Variants in BRD9 observed in about 807,000 individuals in gnomAD.
BRD9 encodes the protein bromodomain-containing protein 9.
A neutral mutation model predicts 68.7 loss-of-function variants in BRD9; 47 were observed. The ratio of observed to expected loss-of-function variants is 0.68; its 90% CI spans 0.54 to 0.87. BRD9 has a LOEUF of 0.87. BRD9 is among the 40% of genes least tolerant of loss of function. The pLI, the probability that BRD9 is intolerant of heterozygous loss-of-function variation, is 0.00. For synonymous variants in BRD9, 313 were observed against 293.9 expected (o/e 1.06, Z -0.67); for missense variants, 670 against 748.4 (o/e 0.90, Z 1.22).
In BRD9 at chr5:876,090, G is replaced by A. The variant is rs764937191; in HGVS notation, c.1383+11C>T. The A allele has an allele frequency of 1.9e-6, 3 of 1,598,992 alleles. No homozygotes were observed. Among genetic ancestry groups the A allele is most frequent in the South Asian group, 2.2e-5 (2 of 90,724 alleles). ...CACCTGCCCCCCAACCCCGGTGCGA[G>A]TGCAGCCCACCTGCTTCAGCTGGAA... On this transcript the variant is annotated intron_variant, in intron 12 of 15. Coordinates refer to ENST00000467963, the MANE Select transcript of BRD9 (RefSeq NM_023924.5).
At chr5:865,763 G>A (rs1749296020) in intron 14 of BRD9, 182 bp from the exon 15 acceptor site, 2 of 620,320 alleles carry the variant, frequency 3.2e-6, no homozygotes, top group African/African-American at 3.7e-5. Flanking sequence ...ATTACCCTTA[G>A]CAGTGAGTGA....
intron 14 of BRD9, among the ~76,000 whole-genome samples, chr5:867,726 A>G (rs1240814104): frequency 1.3e-5 from 2 of 152,186 alleles, no homozygotes; most frequent in African/African-American, 2.4e-5. Context: ...GGATAGGTCT[A>G]TTTACCCAAT....
At chr5:875,591 C>T (rs1310385421) in intron 12 of BRD9, among the ~76,000 whole-genome samples, 1 of 152,172 alleles carries the variant, frequency 6.6e-6, no homozygotes, top group Admixed American at 6.5e-5. Flanking sequence ...CTTGGATCTG[C>T]CCGCCTCGGC....
chr5:865,089 A>G (rs1358677434), intron 15 of BRD9, among the ~76,000 whole-genome samples: 10 of 152,340 alleles, frequency 6.6e-5, no homozygotes, highest in East Asian at 5.8e-4. Context: ...TCCAGGACAC[A>G]TGGCCAAGGA....
chr5:877,207 G>A (rs1363754079), intron 11 of BRD9, among the ~76,000 whole-genome samples: 1 of 152,204 alleles, frequency 6.6e-6, no homozygotes, highest in African/African-American at 2.4e-5. Flanking sequence ...ACAGGGAGCC[G>A]ACTGCGGACA....
At chr5:887,541 A>G in intron 5 of BRD9, 70 bp from the exon 6 acceptor site, 2 of 1,143,842 alleles carry the variant, frequency 1.7e-6, no homozygotes, top group Non-Finnish European at 2.6e-6. Flanking sequence ...CTAGATGACT[A>G]CCAAGAGACC....
chr5:892,777 G>A lies in BRD9; in HGVS notation c.-120C>T, dbSNP rs1414652547. 1.7e-5 allele frequency: 19 copies of A among 1,090,516 alleles called. No individual in the cohort carries two copies. The highest frequency in any genetic ancestry group is 1.9e-5 in the Non-Finnish European group (16 of 862,848). The allele number at this position is 1,090,516 out of a possible 1,614,324, so 67.6% of individuals were successfully genotyped here. ...CCGCGCTCGCTGCGCCGAGGTTGCC[G>A]AGCTCGCTGGGCCGCGCCGGAAACG... On this transcript the variant is annotated 5_prime_UTR_variant, in exon 1 of 16. Transcript: ENST00000467963.
At chr5:886,805 C>T (rs1278379687) in intron 6 of BRD9, 98 bp from the exon 7 acceptor site, 1 of 1,590,832 alleles carries the variant, frequency 6.3e-7, no homozygotes. Flanking sequence ...GGATTTACCT[C>T]TCCCTCACAG....
intron 6 of BRD9, chr5:887,001 A>C: frequency 2.0e-6 from 1 of 509,940 alleles, no homozygotes; most frequent in Non-Finnish European, 3.5e-6. Context: ...GGCTCACGGC[A>C]CAGATCTGGG....
intron 8 of BRD9, 62 bp downstream of exon 8, chr5:883,876 G>A (rs991136565): frequency 3.5e-5 from 55 of 1,577,092 alleles, no homozygotes; most frequent in Middle Eastern, 1.7e-4. Context: ...AACCCAGAAG[G>A]AGAGGCACAC....
rs1387738750 is a variant in BRD9, at chr5:891,143, G to C, written c.400+12C>G. ...GTGAACACCAGGAGAGTCTCTAAAA[G>C]TGCACCCTTGCCTGGCTGTGTCCGG... On this transcript the variant is annotated intron_variant, in intron 3 of 15. Transcript: ENST00000467963. 5 of 1,546,408 alleles carry C rather than the reference G, an allele frequency of 3.2e-6. No homozygotes were observed. The Admixed American group carries it at 7.9e-5, about 24-fold the overall frequency.
chr5:886,767 C>T (rs751422038), intron 6 of BRD9, 60 bp from the exon 7 acceptor site: 1 of 1,611,418 alleles, frequency 6.2e-7, no homozygotes, highest in Admixed American at 1.7e-5. Flanking sequence ...AACAGCCGCT[C>T]CTAGAATCAG....
chr5:872,955 A>G (rs1483473132), intron 12 of BRD9, among the ~76,000 whole-genome samples: 5 of 152,192 alleles, frequency 3.3e-5, no homozygotes, highest in Admixed American at 1.3e-4. Context: ...ATTTGAGGTC[A>G]GGAGTTAAAG....
rs374226502 is a variant in BRD9, at chr5:864,530, C to T, written c.1732G>A (p.Val578Ile). The T allele has an allele frequency of 4.3e-6, 7 of 1,613,902 alleles. No individual in the cohort carries two copies. Among genetic ancestry groups the T allele is most frequent in the South Asian group, 3.3e-5 (3 of 91,092 alleles). Reference sequence around the variant, plus strand: ...AGAAACTCATAGGGGTCGTGGGTGACGTCTGGCTGCTCCCCGACACTCAGG... The same window carrying T: ...AGAAACTCATAGGGGTCGTGGGTGATGTCTGGCTGCTCCCCGACACTCAGG... ...SRLSVGEQPD[V>I]THDPYEFLQS... Residue 578 changes from valine (V) to isoleucine (I), a missense_variant, in exon 16 of 16, where the codon GTC becomes ATC. Physicochemically the swap from Val to Ile is conservative, Grantham distance 29. This residue lies in a region of BRD9 where 280 missense variants were observed against 281.5 expected (regional missense o/e 0.99). Coordinates refer to ENST00000467963, the MANE Select transcript of BRD9 (RefSeq NM_023924.5).
In BRD9 at chr5:864,813, T is replaced by A. The variant is rs117947743; in HGVS notation, c.1694-245A>T. ...GGAGAGAACGCTCCTTGGCCAGGAG[T>A]CCCTCAGACACAGCCCAGACCTCAG... On this transcript the variant is annotated intron_variant, in intron 15 of 15. Transcript: ENST00000467963. 1.2e-4 allele frequency among the ~76,000 whole-genome samples: 18 copies of A among 151,824 alleles called. No individual in the cohort carries two copies. In the East Asian group the frequency reaches 3.1e-3, roughly 26 times the overall value.
chr5:892,580 C>A, intron 1 of BRD9, 26 bp downstream of exon 1: 1 of 1,533,716 alleles, frequency 6.5e-7, no homozygotes. Context: ...CCGCCCGCCG[C>A]GCGTCACAAA....
rs780405336 is a variant in BRD9 at position 886,689 on chromosome 5, T to C, written c.736A>G (p.Asn246Asp). 1 of 1,614,206 alleles carries C rather than the reference T, an allele frequency of 6.2e-7. No homozygotes were observed. The highest frequency in any genetic ancestry group is 8.5e-7 in the Non-Finnish European group (1 of 1,180,020). Residue 246 changes from asparagine to aspartate, a missense_variant, in exon 7 of 16, where the codon AAT becomes GAT. Around this residue, in one of 5 missense-constraint regions of BRD9, gnomAD observed 135 missense variants for 141.2 expected, o/e 0.96. Coordinates refer to ENST00000467963, the MANE Select transcript of BRD9 (RefSeq NM_023924.5). ...MMSKQAALLGNEDTAVEEPVP... is the reference protein window; with the variant it reads ...MMSKQAALLGDEDTAVEEPVP... ...GGTTCCTCAACAGCTGTATCTTCAT[T>C]GCCCAAAAGAGCTGCCTGCTGAGAA...
intron 7 of BRD9, among the ~76,000 whole-genome samples, chr5:886,171 T>C (rs866786260): frequency 6.6e-6 from 1 of 152,172 alleles, no homozygotes; most frequent in Non-Finnish European, 1.5e-5. Flanking sequence ...TTCAGGAGTG[T>C]GCATCTGCCC....
At chr5:881,222 G>A (rs1468649337) in intron 8 of BRD9, 40 bp from the exon 9 acceptor site, 23 of 1,585,258 alleles carry the variant, frequency 1.5e-5, no homozygotes, top group Non-Finnish European at 1.9e-5. Context: ...CCCTCAGGAG[G>A]GGCAGCGCAG....
Sources: gnomAD v4.1 joint callset for allele counts (sites outside exome capture counted in the v4.1 genomes callset) on GRCh38, gnomAD v4.1.1 for gene constraint, gnomAD v4.1.1 regional missense constraint, MANE v1.5 for transcripts, NCBI Gene and HGNC (gene_info 2026-07-23, HGNC 2026-07-21) for gene names.